DDAH1: variants seen among roughly 807,000 people sequenced by gnomAD.
DDAH1 encodes the protein N(G),N(G)-dimethylarginine dimethylaminohydrolase 1.
A neutral mutation model predicts 28.8 loss-of-function variants in DDAH1; 19 were observed. The ratio of observed to expected loss-of-function variants is 0.66; its 90% confidence interval spans 0.46 to 0.97. The LOEUF is 0.97. DDAH1 is among the 50% of genes least tolerant of loss of function. The pLI is 0.00. For synonymous variants in DDAH1, 153 were observed against 154.4 expected, an observed-to-expected ratio of 0.99 and a Z score of 0.07; for missense variants, 326 against 375.9, an observed-to-expected ratio of 0.87 and a Z score of 1.10.
chr1:85,450,914 A>G (rs898807511), intron 1 of DDAH1, among the ~76,000 whole-genome samples: 2 of 152,220 alleles, frequency 1.3e-5, no homozygotes, highest in Admixed American at 1.3e-4. Flanking sequence ...CTAAGTATTC[A>G]TTCACTTAGA....
At chr1:85,442,962 C>T (rs1654269090) in intron 1 of DDAH1, among the ~76,000 whole-genome samples, 1 of 152,148 alleles carries the variant, frequency 6.6e-6, no homozygotes, top group Non-Finnish European at 1.5e-5. Context: ...AAAATTTTCT[C>T]CCATTCTGTA....
At chr1:85,500,127 TTTCTTTCTTTCTTTCTTTCTTTTC>T (rs1322118779) in intron 1 of DDAH1, among the ~76,000 whole-genome samples, 4 of 46,026 alleles carry the variant, frequency 8.7e-5, no homozygotes, top group South Asian at 2.6e-3. Flanking sequence ...TCTTTCTTTC[TTTCTTTCTTTCTTTCTTTCTTTTC>T]TTTCTTTCTT....
intron 1 of DDAH1, among the ~76,000 whole-genome samples, chr1:85,557,061 G>A (rs1373994418): frequency 6.6e-6 from 1 of 152,104 alleles, no homozygotes; most frequent in Non-Finnish European, 1.5e-5. Flanking sequence ...AGGCTGCAGT[G>A]AGCCGAGATC....
intron 5 of DDAH1, among the ~76,000 whole-genome samples, chr1:85,323,540 T>C (rs1661439078): frequency 6.6e-6 from 1 of 152,216 alleles, no homozygotes; most frequent in Non-Finnish European, 1.5e-5. Context: ...GAGCGACCAG[T>C]TGGCTGATTT....
chr1:85,463,889 T>A (rs757276351), intron 1 of DDAH1, among the ~76,000 whole-genome samples: 11 of 152,224 alleles, frequency 7.2e-5, no homozygotes, highest in Non-Finnish European at 1.6e-4. Context: ...AATCTCACTC[T>A]ATTTGTCTCT....
chr1:85,493,899 CTG>C (rs1402787386), intron 2 of DDAH1: 6 of 152,162 alleles, frequency 3.9e-5, no homozygotes, highest in South Asian at 2.1e-4. Flanking sequence ...TATTGGCTAA[CTG>C]TGTATTTCTA....
At chr1:85,347,807 G>C (rs1648964606) in intron 4 of DDAH1, among the ~76,000 whole-genome samples, 1 of 152,054 alleles carries the variant, frequency 6.6e-6, no homozygotes, top group African/African-American at 2.4e-5. Flanking sequence ...TTTTATTGAT[G>C]GTTGTAACAT....
In DDAH1 at chr1:85,464,838, T is replaced by A; in HGVS notation, c.208A>T (p.Ser70Cys). The change falls in exon 1 of 6, where the codon AGC (serine) becomes TGC (cysteine). Residue 70 changes from serine to cysteine, a missense_variant. Coordinates refer to ENST00000284031, the MANE Select transcript of DDAH1 (RefSeq NM_012137.4). This position sits in a 1 kb window ranked among gnomAD's most constrained non-coding sequence, Gnocchi z 4.4. ...TCCACGAAGACGCAGTCCGGAAGGC[T>A]CTCGTCGGCCGGCAGCTCCACCACC... is the stretch of plus-strand genomic sequence containing the variant. ...LQVVELPADESLPDCVFVEDV... is the reference protein window; with the variant it reads ...LQVVELPADECLPDCVFVEDV... The A allele has an allele frequency of 1.3e-6, 2 of 1,588,176 alleles. No individual in the cohort carries two copies. The highest frequency in any genetic ancestry group is 1.7e-6 in the Non-Finnish European group (2 of 1,174,758).
intron 1 of DDAH1, among the ~76,000 whole-genome samples, chr1:85,403,629 A>T (rs1015986749): frequency 1.3e-5 from 2 of 152,226 alleles, no homozygotes; most frequent in African/African-American, 4.8e-5. Flanking sequence ...AGGATTCTTA[A>T]GGCTGGCTGT....
chr1:85,561,184 T>C (rs1049863201), intron 1 of DDAH1, among the ~76,000 whole-genome samples: 1 of 152,116 alleles, frequency 6.6e-6, no homozygotes, highest in Non-Finnish European at 1.5e-5. Context: ...ACCTTTGTAT[T>C]GTAGTTTCCT....
chr1:85,325,709 G>A (rs914683638), intron 4 of DDAH1, among the ~76,000 whole-genome samples: 2 of 151,644 alleles, frequency 1.3e-5, no homozygotes, highest in African/African-American at 4.9e-5. Flanking sequence ...AATGAACTCT[G>A]CACAAAATTT....
At chr1:85,553,342 T>C (rs1478170089) in intron 1 of DDAH1, among the ~76,000 whole-genome samples, 3 of 152,236 alleles carry the variant, frequency 2.0e-5, no homozygotes, top group Non-Finnish European at 4.4e-5. Flanking sequence ...CAGTAAATAC[T>C]GGAAAAGCCA....
chr1:85,553,097 C>T (rs1413312595), intron 1 of DDAH1, among the ~76,000 whole-genome samples: 8 of 152,082 alleles, frequency 5.3e-5, no homozygotes. Flanking sequence ...TTATGTATTC[C>T]AATAGATAGT....
At chr1:85,466,982 C>T (rs1655411801), upstream of DDAH1, among the ~76,000 whole-genome samples, 1 of 151,682 alleles carries the variant, frequency 6.6e-6, no homozygotes, top group East Asian at 1.9e-4. Context: ...GGATTATAGG[C>T]ATGTGCCACC....
intron 5 of DDAH1, among the ~76,000 whole-genome samples, chr1:85,323,117 T>C (rs1029752922): frequency 1.3e-5 from 2 of 152,198 alleles, no homozygotes; most frequent in South Asian, 2.1e-4. Flanking sequence ...ATGTATTCCC[T>C]CACCTTTTTC....
At chr1:85,369,824 A>G (rs1438627199) in intron 1 of DDAH1, among the ~76,000 whole-genome samples, 2 of 152,178 alleles carry the variant, frequency 1.3e-5, no homozygotes, top group Non-Finnish European at 2.9e-5. Context: ...TAGTTACTGT[A>G]GTTTGGAAGG....
intron 1 of DDAH1, among the ~76,000 whole-genome samples, chr1:85,371,729 G>A (rs564442916): frequency 6.6e-6 from 1 of 152,268 alleles, no homozygotes; most frequent in Non-Finnish European, 1.5e-5. Flanking sequence ...AGTTTGCTGT[G>A]CTAATTAAAA....
chr1:85,565,948 G>A (rs1459062977), intron 1 of DDAH1, among the ~76,000 whole-genome samples: 1 of 152,056 alleles, frequency 6.6e-6, no homozygotes, highest in Non-Finnish European at 1.5e-5. Context: ...GGGTGTGGTG[G>A]CACGCGCCTG....
chr1:85,514,053 C>T lies in DDAH1; in HGVS notation c.-122-17772G>A, dbSNP rs546713892. ...ATGCTACTATAAAGACACATGCACA[C>T]GTATGTTTATCGTGGCACTATTCAC... On this transcript the variant is annotated intron_variant, in intron 1 of 6. Transcript: ENST00000426972. 1.2e-3 allele frequency among the ~76,000 whole-genome samples: 178 copies of T among 152,256 alleles called. 1 individual carries two copies. Among genetic ancestry groups the T allele is most frequent in the African/African-American group, 4.1e-3 (169 of 41,538 alleles).
Sources: gnomAD v4.1 joint callset for allele counts (sites outside exome capture counted in the v4.1 genomes callset) on GRCh38, gnomAD v4.1.1 for gene constraint, Gnocchi (gnomAD v3.1) non-coding constraint, MANE v1.5 for transcripts, NCBI Gene and HGNC (gene_info 2026-07-23, HGNC 2026-07-21) for gene names.